The following PCNX2 variants were observed in gnomAD, a reference collection of about 807,000 sequenced individuals.
The protein encoded by PCNX2 is pecanex 2, also known as pecanex-like protein 2.
Under a neutral mutation model 223.8 loss-of-function variants are expected in PCNX2, and 168 were observed. The observed-to-expected ratio is 0.75, with a 90% CI of 0.66 to 0.85. The LOEUF (loss-of-function observed/expected upper bound fraction) is 0.85. Ranked by LOEUF, PCNX2 falls within the 40% of genes least tolerant of loss-of-function variation. The pLI, the probability that PCNX2 is intolerant of heterozygous loss-of-function variation, is 0.00. For missense variants in PCNX2, 2,507 were observed against 2,675.5 expected, an observed-to-expected ratio of 0.94 and a Z score of 1.39; for synonymous variants, 1,006 against 1,052.6, an observed-to-expected ratio of 0.96 and a Z score of 0.86.
intron 28 of PCNX2, among the ~76,000 whole-genome samples, chr1:233,012,836 T>C (rs1216840595): frequency 2.0e-5 from 3 of 152,232 alleles, no homozygotes; most frequent in African/African-American, 4.8e-5. Context: ...ACATTTCAAA[T>C]TGATCCAACA....
At chr1:233,295,998 C>CTTTTTT (rs201102619), upstream of PCNX2, among the ~76,000 whole-genome samples, 8 of 96,902 alleles carry the variant, frequency 8.3e-5, 2 homozygotes, top group East Asian at 6.0e-4. The surrounding 1 kb of genome is among the most constrained non-coding windows in gnomAD (Gnocchi z 4.1). Flanking sequence ...TTCTTTCTTT[C>CTTTTTT]TTTCTTTTTT....
intron 21 of PCNX2, among the ~76,000 whole-genome samples, chr1:233,120,779 A>T (rs1675735468): frequency 6.6e-6 from 1 of 152,202 alleles, no homozygotes; most frequent in African/African-American, 2.4e-5. Flanking sequence ...TCAACAATCA[A>T]TTTAAATGTG....
At chr1:233,089,929 A>T in intron 23 of PCNX2, 132 bp downstream of exon 23, 5 of 1,487,152 alleles carry the variant, frequency 3.4e-6, no homozygotes, top group Non-Finnish European at 4.4e-6. Context: ...GGTCATCAAG[A>T]GAGACAGGTT....
chr1:233,093,996 T>G (rs558179573), intron 22 of PCNX2, among the ~76,000 whole-genome samples: 4 of 152,236 alleles, frequency 2.6e-5, no homozygotes, highest in African/African-American at 7.2e-5. Flanking sequence ...CATGTGCTCA[T>G]GTGTGAACCC....
chr1:233,032,506 T>C (rs1359429711), intron 25 of PCNX2, among the ~76,000 whole-genome samples: 1 of 152,122 alleles, frequency 6.6e-6, no homozygotes, highest in East Asian at 1.9e-4. Context: ...AAAATGTGAG[T>C]TTCATTCCAA....
chr1:233,324,225 T>A, the PCNX2 span, among the ~76,000 whole-genome samples: 1 of 152,214 alleles, frequency 6.6e-6, no homozygotes, highest in Non-Finnish European at 1.5e-5. Context: ...AACGTAAAAG[T>A]GCACGGTGAA....
At chr1:233,255,961 T>C (rs1659712808) in intron 5 of PCNX2, among the ~76,000 whole-genome samples, 1 of 152,216 alleles carries the variant, frequency 6.6e-6, no homozygotes, top group South Asian at 2.1e-4. Flanking sequence ...TTGACGTTGA[T>C]GGCCTTCTAC....
chr1:233,159,199 G>A (rs1372473961), intron 19 of PCNX2, among the ~76,000 whole-genome samples: 1 of 152,104 alleles, frequency 6.6e-6, no homozygotes, highest in East Asian at 1.9e-4. Flanking sequence ...TTTCTCCACT[G>A]AACAAGCCAG....
chr1:233,005,796 A>C (rs1280421629), intron 28 of PCNX2, among the ~76,000 whole-genome samples: 1 of 152,210 alleles, frequency 6.6e-6, no homozygotes, highest in Non-Finnish European at 1.5e-5. Context: ...TGTCTTTTCA[A>C]AGCTCTATGG....
the PCNX2 span, among the ~76,000 whole-genome samples, chr1:233,325,810 G>A: frequency 6.6e-6 from 1 of 152,224 alleles, no homozygotes; most frequent in South Asian, 2.1e-4. Context: ...CACAAACTCG[G>A]TTGGTAAAAT....
Position 232,995,926 on chromosome 1 carries a change from C to T in PCNX2, c.5791+2325G>A, listed in dbSNP as rs184323763. 4.0e-4 allele frequency among the ~76,000 whole-genome samples: 61 copies of T among 152,200 alleles called. 1 individual carries two copies. The East Asian group carries it at 8.7e-3, about 22-fold the overall frequency. ...AGGCTGGAGTGCTGTGGCGTGATCT[C>T]GGCTCACTGCTACCTCCGCCTCCTG... On this transcript the variant is annotated intron_variant, in intron 32 of 33. Coordinates refer to ENST00000258229, the MANE Select transcript of PCNX2 (RefSeq NM_014801.4).
Position 233,001,666 on chromosome 1 carries a change from C to T in PCNX2, c.4968G>A (p.Leu1656=), listed in dbSNP as rs760926382. The T allele has an allele frequency of 4.2e-5, 67 of 1,582,964 alleles. No individual in the cohort carries two copies. Among genetic ancestry groups the T allele is most frequent in the Admixed American group, 2.5e-4 (14 of 56,898 alleles). Residue 1656 remains leucine, a synonymous_variant, in exon 29 of 34, where the codon CTG becomes CTA. Transcript: ENST00000258229. The surrounding 1 kb of genome is among the most constrained non-coding windows in gnomAD (Gnocchi z 4.2). ...CTTTGAAGAGGACATGGAGGCCATACAGGAAAGAATCCAGGCTGCAAAACA... is the reference window on the plus strand; with the variant it reads ...CTTTGAAGAGGACATGGAGGCCATATAGGAAAGAATCCAGGCTGCAAAACA... ...HNMAISLDSF[L]YGLHVLFKGD...
chr1:233,121,788 CAA>C (rs976876793), intron 21 of PCNX2, among the ~76,000 whole-genome samples: 1 of 152,240 alleles, frequency 6.6e-6, no homozygotes, highest in African/African-American at 2.4e-5. Context: ...AATTTGAACT[CAA>C]GTTTAGTTTA....
intron 17 of PCNX2, among the ~76,000 whole-genome samples, chr1:233,164,518 C>A (rs2102828943): frequency 6.6e-6 from 1 of 151,800 alleles, no homozygotes; most frequent in East Asian, 1.9e-4. Flanking sequence ...TTCACAATAG[C>A]CAAGATATGA....
At chr1:233,243,203 AC>A (rs2102974064) in intron 8 of PCNX2, among the ~76,000 whole-genome samples, 1 of 152,310 alleles carries the variant, frequency 6.6e-6, no homozygotes, top group African/African-American at 2.4e-5. Context: ...CCCTATTCAT[AC>A]TTGGGAGTCA....
chr1:233,188,803 G>A (rs763980346), intron 15 of PCNX2, among the ~76,000 whole-genome samples: 6 of 152,176 alleles, frequency 3.9e-5, no homozygotes, highest in Non-Finnish European at 8.8e-5. Context: ...TTACAGGCAT[G>A]AGCCACCGCA....
chr1:233,262,224 T>A (rs1660092288), intron 2 of PCNX2, 59 bp from the exon 3 acceptor site: 1 of 1,603,522 alleles, frequency 6.2e-7, no homozygotes, highest in Admixed American at 1.7e-5. Flanking sequence ...GAAGCATGAC[T>A]CTTTTAGTAC....
Position 232,999,174 on chromosome 1 carries a change from A to C in PCNX2, c.5534T>G (p.Leu1845Arg), listed in dbSNP as rs1669980812. Reference sequence around the variant, plus strand: ...GATGGGTCCACCCCAGATGTTCTTCAGCTGCCTGTGTGTCCCTAGGTAGGA... The same window carrying C: ...GATGGGTCCACCCCAGATGTTCTTCCGCTGCCTGTGTGTCCCTAGGTAGGA... ...TTSYLGTHRQ[L>R]KNIWGGPITL... The change falls in exon 31 of 34, where the codon CTG (leucine) becomes CGG (arginine). Residue 1845 changes from leucine to arginine, a missense_variant. Leu to Arg is a moderately radical substitution (Grantham distance 102). This residue lies in a region of PCNX2 where 1,372 missense variants were observed against 1,509.4 expected (regional missense o/e 0.91). Transcript: ENST00000258229. 1 of 1,613,802 alleles carries C rather than the reference A, an allele frequency of 6.2e-7. No individual in the cohort carries two copies. Among genetic ancestry groups the C allele is most frequent in the South Asian group, 1.1e-5 (1 of 91,070 alleles).
chr1:233,092,831 C>G (rs1673938493), intron 22 of PCNX2, among the ~76,000 whole-genome samples: 1 of 152,038 alleles, frequency 6.6e-6, no homozygotes, highest in South Asian at 2.1e-4. Flanking sequence ...TGAAGTCTCG[C>G]TCTGTCACCC....
Sources: gnomAD v4.1 joint callset for allele counts (sites outside exome capture counted in the v4.1 genomes callset) on GRCh38, gnomAD v4.1.1 for gene constraint, gnomAD v4.1.1 regional missense constraint, Gnocchi (gnomAD v3.1) non-coding constraint, MANE v1.5 for transcripts, NCBI Gene and HGNC (gene_info 2026-07-23, HGNC 2026-07-21) for gene names.